Variants in CEP120 observed in about 807,000 individuals in gnomAD.
CEP120 encodes the protein centrosomal protein of 120 kDa.
A neutral mutation model predicts 126.5 loss-of-function variants in CEP120; 113 were observed. The observed-to-expected ratio is 0.89, with a 90% CI of 0.77 to 1.04. The LOEUF is 1.04. Among genes scored for constraint, CEP120 ranks in the 50% least tolerant of loss-of-function variants. The probability of loss-of-function intolerance (pLI) is 0.00; values close to 1 mark genes in which losing one functional copy is unlikely to be tolerated. For missense variants in CEP120, 1,230 were observed against 1,155.7 expected (o/e 1.06, Z -0.93); for synonymous variants, 400 against 394.3 (o/e 1.01, Z -0.17).
chr5:123,385,958 T>TTATTGCATAG (rs1217908380), intron 10 of CEP120, among the ~76,000 whole-genome samples: 27 of 152,182 alleles, frequency 1.8e-4, no homozygotes, highest in African/African-American at 6.3e-4. Context: ...TCAAATGCTG[T>TTATTGCATAG]AATTCCCACA....
rs144772289 is a variant in CEP120 at position 123,411,683 on chromosome 5, T to C, written c.463+716A>G. Among the ~76,000 whole-genome samples the C allele has an allele frequency of 4.9e-3, 739 of 152,132 alleles. 8 individuals carry two copies. The highest frequency in any genetic ancestry group is 0.017 in the African/African-American group (699 of 41,526). On this transcript the variant is annotated intron_variant, in intron 4 of 19. Coordinates refer to ENST00000306467, the MANE Select transcript of CEP120 (RefSeq NM_001375405.1). ...AAAAGATCAATAGCTGCCAAGGGGATGGGAGGAGGGAGGAATGAATAGGTG... is the reference window on the plus strand; with the variant it reads ...AAAAGATCAATAGCTGCCAAGGGGACGGGAGGAGGGAGGAATGAATAGGTG...
Position 123,382,808 on chromosome 5 carries a change from T to C in CEP120, c.1942A>G (p.Thr648Ala). The change falls in exon 13 of 20, where the codon ACG becomes GCG. Residue 648 changes from threonine (T) to alanine (A), a missense_variant. Transcript: ENST00000306467. ...TCAAGTGCTGCTTTGTATTCTAACG[T>C]TTCACGAGGCTCTGTCTGGATCTCT... is the stretch of plus-strand genomic sequence containing the variant. ...PSEIQTEPRE[T>A]LEYKAALELE... 2 of 1,613,504 alleles carry C rather than the reference T, an allele frequency of 1.2e-6. No individual in the cohort carries two copies. The highest frequency in any genetic ancestry group is 1.7e-6 in the Non-Finnish European group (2 of 1,179,684).
At position 123,370,385 on chromosome 5, in the gene CEP120, C is replaced by T. The variant is rs548579302; in HGVS notation, c.2481+2265G>A. ...GCCACACTTTAGCAGACACCAGACACTACTTCTCTCAAAGTACTCTTGGCT... is the reference window on the plus strand; with the variant it reads ...GCCACACTTTAGCAGACACCAGACATTACTTCTCTCAAAGTACTCTTGGCT... On this transcript the variant is annotated intron_variant, in intron 17 of 19. Transcript: ENST00000306467. Among the ~76,000 whole-genome samples, 9 of 152,160 alleles carry T rather than the reference C, an allele frequency of 5.9e-5. No homozygotes were observed. In the South Asian group the frequency reaches 6.2e-4, roughly 11 times the overall value.
At chr5:123,400,485 G>T (rs950587789) in intron 4 of CEP120, among the ~76,000 whole-genome samples, 4 of 152,002 alleles carry the variant, frequency 2.6e-5, no homozygotes, top group African/African-American at 9.7e-5. Context: ...TACAAATAGG[G>T]TGAAGATGAA....
chr5:123,364,475 A>T, intron 18 of CEP120, 21 bp downstream of exon 18: 1 of 1,500,530 alleles, frequency 6.7e-7, no homozygotes, highest in Non-Finnish European at 9.1e-7. Flanking sequence ...ATATAAAAAG[A>T]ATAAGCTATA....
rs367752008 is a variant in CEP120, at chr5:123,416,046, G to C, written c.285C>G (p.Ile95Met). 1 of 1,613,956 alleles carries C rather than the reference G, an allele frequency of 6.2e-7. No individual in the cohort carries two copies. Among genetic ancestry groups the C allele is most frequent in the Admixed American group, 1.7e-5 (1 of 60,014 alleles). Residue 95 changes from isoleucine to methionine, a missense_variant, in exon 3 of 20, where the codon ATC becomes ATG. Transcript: ENST00000306467. ...CTTGAGCGGTTCTTAAATCCAGAAC[G>C]ATGTAACCTATGGTTTCCTTGGCTG... ...VTSAKETIGYIVLDLRTAQET... is the reference protein window; with the variant it reads ...VTSAKETIGYMVLDLRTAQET...
intron 17 of CEP120, 25 bp from the exon 18 acceptor site, chr5:123,364,619 A>C: frequency 1.4e-6 from 2 of 1,398,362 alleles, no homozygotes; most frequent in Non-Finnish European, 2.0e-6. Flanking sequence ...AATCATATCA[A>C]GTGAAACACT....
At chr5:123,361,814 G>A (rs1420047379) in intron 18 of CEP120, among the ~76,000 whole-genome samples, 1 of 151,672 alleles carries the variant, frequency 6.6e-6, no homozygotes, top group Non-Finnish European at 1.5e-5. Context: ...CACATACTAT[G>A]TATCAAACAC....
chr5:123,401,736 C>T, intron 4 of CEP120: 1 of 1,206,118 alleles, frequency 8.3e-7, no homozygotes, highest in Non-Finnish European at 1.2e-6. Flanking sequence ...TTAATGTAAG[C>T]TTCATCCACA....
In CEP120 at chr5:123,386,625, A is replaced by C; in HGVS notation, c.1473T>G (p.Thr491=). The C allele has an allele frequency of 6.5e-7, 1 of 1,540,574 alleles. No homozygotes were observed. The highest frequency in any genetic ancestry group is 8.8e-7 in the Non-Finnish European group (1 of 1,137,744). ...TTTTCCGAACTTCTACAGGAGGATTAGTCATAATAGGAGCTGCACTTCCAA... is the reference window on the plus strand; with the variant it reads ...TTTTCCGAACTTCTACAGGAGGATTCGTCATAATAGGAGCTGCACTTCCAA... ...PFFGSAAPIM[T]NPPVEVRKNM... Residue 491 remains threonine (T), a synonymous_variant, in exon 10 of 20, where the codon ACT becomes ACG. Coordinates refer to ENST00000306467, the MANE Select transcript of CEP120 (RefSeq NM_001375405.1).
intron 18 of CEP120, among the ~76,000 whole-genome samples, chr5:123,360,986 A>AAAG (rs1770036904): frequency 6.6e-6 from 1 of 151,582 alleles, no homozygotes; most frequent in African/African-American, 2.4e-5. Flanking sequence ...TCTTGCATAG[A>AAAG]TACTTCTCAA....
chr5:123,387,939 T>G (rs1772132226), intron 9 of CEP120, among the ~76,000 whole-genome samples: 1 of 152,086 alleles, frequency 6.6e-6, no homozygotes, highest in South Asian at 2.1e-4. Context: ...GATTCATAGC[T>G]ATGAAATGGA....
intron 8 of CEP120, among the ~76,000 whole-genome samples, 189 bp from the exon 9 acceptor site, chr5:123,388,795 T>C (rs1475154698): frequency 1.3e-5 from 2 of 152,218 alleles, no homozygotes. Flanking sequence ...CAGGTTTTAA[T>C]TTCCATTCTA....
At chr5:123,378,212 T>C (rs1338174152) in intron 15 of CEP120, 124 bp downstream of exon 15, 3 of 622,474 alleles carry the variant, frequency 4.8e-6, no homozygotes, top group East Asian at 2.9e-5. Context: ...CTCATTCTTA[T>C]AAGCAGCCCA....
At chr5:123,352,653 G>C (rs564258802) in intron 18 of CEP120, among the ~76,000 whole-genome samples, 71 of 152,018 alleles carry the variant, frequency 4.7e-4, no homozygotes, top group African/African-American at 1.7e-3. Context: ...TCTTCAAAAT[G>C]ATTTTAGCTA....
chr5:123,388,519 G>T lies in CEP120; in HGVS notation c.1343C>A (p.Pro448Gln), dbSNP rs766197810. The change falls in exon 9 of 20, where the codon CCA becomes CAA. Residue 448 changes from proline (P) to glutamine (Q), a missense_variant. Transcript: ENST00000306467. Reference sequence around the variant, plus strand: ...AAAGCAAAAATGATGTGATGTTGCTGGTACAGCAATCTTCTGTCCTGAAGC... The same window carrying T: ...AAAGCAAAAATGATGTGATGTTGCTTGTACAGCAATCTTCTGTCCTGAAGC... ...EVASGQKIAV[P>Q]ATSHHFCFSI... 4 of 1,610,566 alleles carry T rather than the reference G, an allele frequency of 2.5e-6. No homozygotes were observed. Among genetic ancestry groups the T allele is most frequent in the Non-Finnish European group, 3.4e-6 (4 of 1,178,772 alleles).
At chr5:123,399,042 G>A (rs1347331283) in intron 5 of CEP120, 94 bp downstream of exon 5, 4 of 828,106 alleles carry the variant, frequency 4.8e-6, no homozygotes, top group Non-Finnish European at 6.8e-6. Context: ...AAAAAAAAAA[G>A]TCTACTTGCA....
chr5:123,346,009 C>T lies in CEP120; in HGVS notation c.*510G>A, dbSNP rs977093803. 6.5e-6 allele frequency: 1 copy of T among 153,298 alleles called. No individual in the cohort carries two copies. The allele number at this position is 153,298 out of a possible 1,614,324, so 9.5% of individuals were successfully genotyped here. On this transcript the variant is annotated 3_prime_UTR_variant, in exon 20 of 20. Transcript: ENST00000306467. ...CAACATGTCATGTGGCTTCTCTGCA[C>T]TGATCTTGCTTTGTTTTCAAACTTG... is the stretch of plus-strand genomic sequence containing the variant.
At chr5:123,367,172 T>C (rs1444692037) in intron 17 of CEP120, among the ~76,000 whole-genome samples, 1 of 151,940 alleles carries the variant, frequency 6.6e-6, no homozygotes, top group Non-Finnish European at 1.5e-5. Flanking sequence ...AAAGGGATAA[T>C]GTACTTTTTC....
Sources: allele counts gnomAD v4.1 joint callset (sites outside exome capture counted in the v4.1 genomes callset), GRCh38; gene constraint gnomAD v4.1.1; transcripts MANE v1.5; gene names NCBI Gene and HGNC (gene_info 2026-07-23, HGNC 2026-07-21).